The following CUL1 variants were observed in gnomAD, a reference collection of about 807,000 sequenced individuals.
CUL1 encodes cullin 1.
Under a neutral mutation model 118.0 loss-of-function variants are expected in CUL1, and 24 were observed. That is an observed-to-expected ratio of 0.20 (90% CI 0.15 to 0.29). The LOEUF (loss-of-function observed/expected upper bound fraction) is 0.29. Among genes scored for constraint, CUL1 ranks in the 10% least tolerant of loss-of-function variants. The pLI, the probability that CUL1 is intolerant of heterozygous loss-of-function variation, is 1.00. For missense variants in CUL1, 361 were observed against 933.8 expected (o/e 0.39, Z 7.99); for synonymous variants, 332 against 340.4 (o/e 0.98, Z 0.27).
At chr7:148,750,117 C>T (rs1478032616) in intron 2 of CUL1, among the ~76,000 whole-genome samples, 2 of 151,970 alleles carry the variant, frequency 1.3e-5, no homozygotes, top group African/African-American at 2.4e-5. Context: ...TTGGTTCATG[C>T]GATTAAAGAA....
At chr7:148,699,375 G>T (rs1275453292) in intron 1 of CUL1, among the ~76,000 whole-genome samples, 1 of 152,114 alleles carries the variant, frequency 6.6e-6, no homozygotes, top group Non-Finnish European at 1.5e-5. Context: ...GCCGCGACCG[G>T]GCTGGGTTCT....
rs565089713 is a variant in CUL1 at position 148,718,538 on chromosome 7, G to A, written c.-161-11424G>A. On this transcript the variant is annotated intron_variant, in intron 1 of 21. Coordinates refer to ENST00000325222, the MANE Select transcript of CUL1 (RefSeq NM_003592.3). ...GTTAATATTTTTGAGGTTCATCCAC[G>A]CTGCATCAGTACTTGATTTTTTTTT... Among the ~76,000 whole-genome samples, 10 of 145,986 alleles carry A rather than the reference G, an allele frequency of 6.8e-5. No individual in the cohort carries two copies. In the East Asian group the frequency reaches 9.8e-4, roughly 14 times the overall value.
At chr7:148,765,317 T>C (rs1799969857) in intron 7 of CUL1, among the ~76,000 whole-genome samples, 1 of 152,168 alleles carries the variant, frequency 6.6e-6, no homozygotes, top group Admixed American at 6.5e-5. Flanking sequence ...TCCAGATTTC[T>C]CCAAAATTAT....
chr7:148,761,234 G>A (rs1020113550), intron 7 of CUL1, among the ~76,000 whole-genome samples: 1 of 152,114 alleles, frequency 6.6e-6, no homozygotes, highest in East Asian at 1.9e-4. Context: ...CTGGCTGGGC[G>A]TGGTGGCTCA....
At chr7:148,783,256 C>G (rs1800703448) in intron 9 of CUL1, 5 of 880,844 alleles carry the variant, frequency 5.7e-6, no homozygotes, top group Admixed American at 6.2e-5. Context: ...CCCCTCTTCC[C>G]GTCCTGCGAT....
At chr7:148,705,287 T>C (rs1209666663) in intron 1 of CUL1, among the ~76,000 whole-genome samples, 2 of 152,138 alleles carry the variant, frequency 1.3e-5, no homozygotes, top group Non-Finnish European at 2.9e-5. Context: ...AGTTCACAAC[T>C]CCTAGTGATA....
intron 2 of CUL1, among the ~76,000 whole-genome samples, chr7:148,733,093 G>T (rs1798817653): frequency 1.3e-5 from 2 of 152,166 alleles, no homozygotes; most frequent in African/African-American, 4.8e-5. Flanking sequence ...GCCAGTGGTG[G>T]TGGTGAGGCG....
At chr7:148,767,306 A>C (rs1800037615) in intron 8 of CUL1, among the ~76,000 whole-genome samples, 1 of 151,846 alleles carries the variant, frequency 6.6e-6, no homozygotes, top group African/African-American at 2.4e-5. Context: ...AATTTTAGGA[A>C]GCATTAGAGT....
At chr7:148,753,368 C>T (rs971450501) in intron 2 of CUL1, among the ~76,000 whole-genome samples, 1 of 152,222 alleles carries the variant, frequency 6.6e-6, no homozygotes, top group Non-Finnish European at 1.5e-5. Context: ...TCTCTGCGCT[C>T]CCCCTGCAGA....
intron 9 of CUL1, among the ~76,000 whole-genome samples, chr7:148,771,652 A>G (rs536004117): frequency 6.6e-6 from 1 of 152,192 alleles, no homozygotes; most frequent in African/African-American, 2.4e-5. Context: ...CAATTAGCCT[A>G]TTGCACTGGG....
At chr7:148,705,024 G>A (rs1797838911) in intron 1 of CUL1, among the ~76,000 whole-genome samples, 1 of 152,170 alleles carries the variant, frequency 6.6e-6, no homozygotes, top group Non-Finnish European at 1.5e-5. Flanking sequence ...TTAAATATCT[G>A]ACTTCCGTTG....
At chr7:148,738,655 G>A (rs1799040592) in intron 2 of CUL1, among the ~76,000 whole-genome samples, 1 of 152,138 alleles carries the variant, frequency 6.6e-6, no homozygotes, top group African/African-American at 2.4e-5. Flanking sequence ...TAGAGTCTAT[G>A]GCTGCCTTAG....
chr7:148,798,046 C>A, intron 19 of CUL1, 27 bp downstream of exon 19: 1 of 1,380,258 alleles, frequency 7.2e-7, no homozygotes, highest in Non-Finnish European at 1.0e-6. Flanking sequence ...AAGTAGATGG[C>A]CCTTGACCAT....
At chr7:148,797,058 A>G (rs776733644) in intron 17 of CUL1, among the ~76,000 whole-genome samples, 7 of 152,054 alleles carry the variant, frequency 4.6e-5, no homozygotes, top group Admixed American at 1.3e-4. Flanking sequence ...TGTGAGGCTG[A>G]AGGAGGGCTG....
intron 1 of CUL1, among the ~76,000 whole-genome samples, chr7:148,726,235 CAGG>C (rs1478997632): frequency 2.6e-5 from 4 of 152,112 alleles, no homozygotes; most frequent in African/African-American, 9.7e-5. Context: ...TATGCTGAGA[CAGG>C]AGAATGGAGG....
In CUL1 at chr7:148,792,185, C is replaced by CA. The variant is rs11340035; in HGVS notation, c.1807-526dup. On this transcript the variant is annotated intron_variant, in intron 16 of 21. Coordinates refer to ENST00000325222, the MANE Select transcript of CUL1 (RefSeq NM_003592.3). ...TGGGTGACAGAGCAAGACTTTGTCT[C>CA]AAAAAAAAAAAAAAATAGAAATTTA... Among the ~76,000 whole-genome samples the CA allele has an allele frequency of 2.5e-3, 353 of 143,758 alleles. 3 individuals carry two copies. The highest frequency in any genetic ancestry group is 6.7e-3 in the African/African-American group (263 of 39,322). 94.3% of individuals were successfully genotyped at this position (143,758 alleles called of 152,430 possible). A position where few individuals can be genotyped will look rare whatever the true frequency, so the allele number is the denominator to read the frequency against.
intron 2 of CUL1, among the ~76,000 whole-genome samples, chr7:148,737,130 A>C (rs79289366): frequency 0.025 from 3,731 of 151,906 alleles, 144 homozygotes; most frequent in African/African-American, 0.086. Context: ...GAGAAATTGT[A>C]TATCTGTCTT....
rs550212498 is a variant in CUL1, at chr7:148,790,876, A to T, written c.1806+435A>T. Among the ~76,000 whole-genome samples the T allele has an allele frequency of 2.6e-5, 4 of 152,320 alleles. No homozygotes were observed. In the East Asian group the frequency reaches 5.8e-4, roughly 22 times the overall value. ...AATAACACTCAGTGCTGACAACAAT[A>T]TTGAGTACAACCTAATTTATACCTA... On this transcript the variant is annotated intron_variant, in intron 16 of 21. Coordinates refer to ENST00000325222, the MANE Select transcript of CUL1 (RefSeq NM_003592.3).
At position 148,787,163 on chromosome 7, in the gene CUL1, T is replaced by C; in HGVS notation, c.1479+43T>C. 6.2e-7 allele frequency: 1 copy of C among 1,606,080 alleles called. No individual in the cohort carries two copies. The highest frequency in any genetic ancestry group is 8.5e-7 in the Non-Finnish European group (1 of 1,175,370). On this transcript the variant is annotated intron_variant, in intron 13 of 21. Coordinates refer to ENST00000325222, the MANE Select transcript of CUL1 (RefSeq NM_003592.3). The surrounding 1 kb of genome is among the most constrained non-coding windows in gnomAD (Gnocchi z 5.5). Reference sequence around the variant, plus strand: ...CTGAAAAATCCCAGCTTCTGAGTCATTATTAAAACAGCTCTATGGCCGAGC... The same window carrying C: ...CTGAAAAATCCCAGCTTCTGAGTCACTATTAAAACAGCTCTATGGCCGAGC...
Sources: allele counts gnomAD v4.1 joint callset (sites outside exome capture counted in the v4.1 genomes callset), GRCh38; gene constraint gnomAD v4.1.1; non-coding constraint Gnocchi (gnomAD v3.1); transcripts MANE v1.5; gene names NCBI Gene and HGNC (gene_info 2026-07-23, HGNC 2026-07-21).